ZFYVE9: variants seen among roughly 807,000 people sequenced by gnomAD.
The protein encoded by ZFYVE9 is zinc finger FYVE domain-containing protein 9.
A neutral mutation model predicts 126.7 loss-of-function variants in ZFYVE9; 43 were observed. The ratio of observed to expected loss-of-function variants is 0.34; its 90% CI spans 0.27 to 0.44. ZFYVE9 has a LOEUF of 0.44. Among genes scored for constraint, ZFYVE9 ranks in the 20% least tolerant of loss-of-function variants. ZFYVE9 has a pLI of 1.00. For missense variants in ZFYVE9, 1,476 were observed against 1,697.0 expected (o/e 0.87, Z 2.29); for synonymous variants, 521 against 597.4 (o/e 0.87, Z 1.87).
chr1:52,242,998 T>G (rs1300235310), intron 4 of ZFYVE9, among the ~76,000 whole-genome samples: 1 of 152,210 alleles, frequency 6.6e-6, no homozygotes, highest in African/African-American at 2.4e-5. Flanking sequence ...GTCTTTGTCT[T>G]TGTTCCCCAT....
chr1:52,195,708 A>T (rs1316885852), intron 1 of ZFYVE9, among the ~76,000 whole-genome samples: 1 of 152,164 alleles, frequency 6.6e-6, no homozygotes. Context: ...TTGGACACAG[A>T]GTATTAATGT....
chr1:52,155,728 A>G (rs1334617770), intron 1 of ZFYVE9, among the ~76,000 whole-genome samples: 4 of 152,180 alleles, frequency 2.6e-5, no homozygotes, highest in Non-Finnish European at 2.9e-5. Flanking sequence ...GCAGCCTTTC[A>G]TGTCAACCAG....
chr1:52,272,670 A>G (rs1301873197), intron 7 of ZFYVE9, among the ~76,000 whole-genome samples: 1 of 133,672 alleles, frequency 7.5e-6, no homozygotes, highest in African/African-American at 3.3e-5. Flanking sequence ...TGCTAGAAAT[A>G]ATCTTTTTTT....
rs565912373 is a variant in ZFYVE9, at chr1:52,255,232, CAATTA to C, written c.2179-8535_2179-8531del. 5.4e-3 allele frequency among the ~76,000 whole-genome samples: 828 copies of C among 152,180 alleles called. 3 individuals are homozygous for C. Among genetic ancestry groups the C allele is most frequent in the South Asian group, 0.02 (96 of 4,828 alleles). On this transcript the variant is annotated intron_variant, in intron 4 of 18. Coordinates refer to ENST00000287727, the MANE Select transcript of ZFYVE9 (RefSeq NM_004799.4). The stretch of plus-strand genomic sequence containing the variant: ...AGAATGCAAGCTTATGCTTTGTTTA[CAATTA>C]AATTATTCTTGGGCATAAAAACAGA...
At chr1:52,292,510 C>T (rs1342838962) in intron 10 of ZFYVE9, among the ~76,000 whole-genome samples, 5 of 130,550 alleles carry the variant, frequency 3.8e-5, no homozygotes, top group South Asian at 2.5e-4. Context: ...GTCACTCTAT[C>T]GCCTAGGCTG....
chr1:52,271,197 C>G (rs1251995151), intron 7 of ZFYVE9, among the ~76,000 whole-genome samples: 1 of 152,122 alleles, frequency 6.6e-6, no homozygotes, highest in Admixed American at 6.5e-5. Context: ...TGAGGAAAGT[C>G]TAGTGAGTGA....
intron 15 of ZFYVE9, among the ~76,000 whole-genome samples, chr1:52,336,901 C>T (rs1214350242): frequency 3.5e-5 from 5 of 143,832 alleles, no homozygotes; most frequent in East Asian, 2.1e-4. Flanking sequence ...GCATTATGAT[C>T]GTCCCTGTGA....
At position 52,300,863 on chromosome 1, in the gene ZFYVE9, G is replaced by GTTTT. The variant is rs747924233; in HGVS notation, c.3334-2947_3334-2944dup. 3.9e-3 allele frequency among the ~76,000 whole-genome samples: 535 copies of GTTTT among 137,256 alleles called. 11 individuals are homozygous for GTTTT. The South Asian group carries it at 0.042, about 11-fold the overall frequency. 90.0% of individuals were successfully genotyped at this position (137,256 alleles called of 152,430 possible). ...TGAGTTTTGTTGTTTAGGTTTTTTG[G>GTTTT]TTTTTTTTTTTTTTGAGACAGAGTC... On this transcript the variant is annotated intron_variant, in intron 12 of 18. Transcript: ENST00000287727.
At chr1:52,146,027 C>CCACACA (rs1168051378) in intron 1 of ZFYVE9, among the ~76,000 whole-genome samples, 14,624 of 146,092 alleles carry the variant, frequency 0.1, 1,093 homozygotes, top group African/African-American at 0.22. Context: ...TCAAAAATAT[C>CCACACA]CACACACACA....
intron 13 of ZFYVE9, among the ~76,000 whole-genome samples, chr1:52,316,494 A>C (rs905855283): frequency 6.6e-6 from 1 of 152,058 alleles, no homozygotes; most frequent in Non-Finnish European, 1.5e-5. Context: ...AAAAAAAAAA[A>C]AAAAACTAAA....
At chr1:52,295,094 G>T (rs1645960105) in intron 11 of ZFYVE9, among the ~76,000 whole-genome samples, 1 of 152,112 alleles carries the variant, frequency 6.6e-6, no homozygotes, top group South Asian at 2.1e-4. Context: ...TGTAATTCCA[G>T]CTACTGGAGA....
At chr1:52,230,512 T>C (rs1452059608) in intron 2 of ZFYVE9, among the ~76,000 whole-genome samples, 1 of 149,160 alleles carries the variant, frequency 6.7e-6, no homozygotes. Context: ...TCTGCACATG[T>C]ATCCTGGAAC....
At chr1:52,232,889 CCAAA>C (rs964423978) in intron 2 of ZFYVE9, among the ~76,000 whole-genome samples, 1 of 151,908 alleles carries the variant, frequency 6.6e-6, no homozygotes, top group Non-Finnish European at 1.5e-5. Flanking sequence ...CAATTTTATA[CCAAA>C]CAATGATTCC....
In ZFYVE9 at chr1:52,285,890, C is replaced by T. The variant is rs112678267; in HGVS notation, c.3025+4074C>T. On this transcript the variant is annotated intron_variant, in intron 10 of 18. Coordinates refer to ENST00000287727, the MANE Select transcript of ZFYVE9 (RefSeq NM_004799.4). ...TGATAGCAGGCTGGGCACGGTGGCT[C>T]ATGCCTGTAATCCCAGCACTTTGGC... Among the ~76,000 whole-genome samples the T allele has an allele frequency of 3.8e-3, 577 of 152,296 alleles. 6 individuals carry two copies. The highest frequency in any genetic ancestry group is 0.013 in the African/African-American group (544 of 41,562).
chr1:52,193,914 A>G (rs1456102146), intron 1 of ZFYVE9, among the ~76,000 whole-genome samples: 5 of 152,116 alleles, frequency 3.3e-5, no homozygotes, highest in South Asian at 2.1e-4. Flanking sequence ...CGTGCTTTAT[A>G]TAACTGATAA....
intron 1 of ZFYVE9, among the ~76,000 whole-genome samples, chr1:52,209,822 T>G (rs1221961729): frequency 6.6e-6 from 1 of 152,180 alleles, no homozygotes; most frequent in Non-Finnish European, 1.5e-5. Flanking sequence ...CAGAACATTG[T>G]CAGCTATGTT....
At chr1:52,144,986 A>G (rs1016700477) in intron 1 of ZFYVE9, among the ~76,000 whole-genome samples, 3 of 152,238 alleles carry the variant, frequency 2.0e-5, no homozygotes, top group African/African-American at 7.2e-5. Flanking sequence ...AGGAAACACA[A>G]AAATGACCAA....
intron 13 of ZFYVE9, among the ~76,000 whole-genome samples, chr1:52,326,972 C>G (rs935468979): frequency 6.6e-6 from 1 of 151,996 alleles, no homozygotes; most frequent in Non-Finnish European, 1.5e-5. Context: ...ACCATCCTGG[C>G]TAACATGGTG....
chr1:52,251,873 T>C (rs1345485398), intron 4 of ZFYVE9, among the ~76,000 whole-genome samples: 4 of 152,196 alleles, frequency 2.6e-5, no homozygotes, highest in Non-Finnish European at 4.4e-5. Flanking sequence ...CCACTAGTTA[T>C]AGGTTTATTC....
Sources: allele counts gnomAD v4.1 joint callset (sites outside exome capture counted in the v4.1 genomes callset), GRCh38; gene constraint gnomAD v4.1.1; transcripts MANE v1.5; gene names NCBI Gene and HGNC (gene_info 2026-07-23, HGNC 2026-07-21).